The following NALF1 variants were observed in gnomAD, a reference collection of about 807,000 sequenced individuals.
The protein encoded by NALF1 is family with sequence similarity 155 member A.
In NALF1, 3 loss-of-function variants were observed where a neutral mutation model predicts 48.4. The observed-to-expected ratio is 0.06, with a 90% CI of 0.03 to 0.16. The LOEUF (loss-of-function observed/expected upper bound fraction) is 0.16, where lower values mean the gene tolerates loss of function less well. Among genes scored for constraint, NALF1 ranks in the 10% least tolerant of loss-of-function variants. The pLI is 1.00. For synonymous variants in NALF1, 262 were observed against 245.7 expected (o/e 1.07, Z -0.62); for missense variants, 526 against 571.5 (o/e 0.92, Z 0.81).
chr13:107,213,000 G>A (rs1021839773), intron 1 of NALF1, among the ~76,000 whole-genome samples: 2 of 151,908 alleles, frequency 1.3e-5, no homozygotes, highest in African/African-American at 4.8e-5. Context: ...CGTTATTCCA[G>A]TTAAAATGGG....
At chr13:107,654,689 CAAA>C (rs967848616) in intron 1 of NALF1, among the ~76,000 whole-genome samples, 31 of 142,048 alleles carry the variant, frequency 2.2e-4, no homozygotes, top group African/African-American at 7.5e-4. Context: ...AAGGACATAA[CAAA>C]AAAAAAAGAA....
At chr13:107,651,862 GGCAT>G (rs1880457850) in intron 1 of NALF1, among the ~76,000 whole-genome samples, 2 of 152,128 alleles carry the variant, frequency 1.3e-5, no homozygotes, top group East Asian at 3.9e-4. Flanking sequence ...GAAGTAAGGA[GGCAT>G]CTTACTCTCT....
chr13:107,362,789 T>C lies in NALF1; in HGVS notation c.916-152034A>G, dbSNP rs1190702273. ...TTTACAACTTTCCCATAGGTGAGCA[T>C]GTACCTGTCTGAGTGGGCACACATA... is the stretch of plus-strand genomic sequence containing the variant. On this transcript the variant is annotated intron_variant, in intron 1 of 2. Transcript: ENST00000375915. This position sits in a 1 kb window ranked among gnomAD's most constrained non-coding sequence, Gnocchi z 4.6. Among the ~76,000 whole-genome samples the C allele has an allele frequency of 6.6e-6, 1 of 152,164 alleles. No individual in the cohort carries two copies. Among genetic ancestry groups the C allele is most frequent in the Non-Finnish European group, 1.5e-5 (1 of 68,026 alleles).
chr13:107,564,288 T>C (rs1238515669), intron 1 of NALF1, among the ~76,000 whole-genome samples: 1 of 152,226 alleles, frequency 6.6e-6, no homozygotes, highest in African/African-American at 2.4e-5. Context: ...TTTGTATATG[T>C]GTGCATGAAA....
intron 1 of NALF1, among the ~76,000 whole-genome samples, chr13:107,223,251 T>A (rs117203039): frequency 6.6e-6 from 1 of 152,160 alleles, no homozygotes; most frequent in Non-Finnish European, 1.5e-5. Flanking sequence ...ATATTTATAG[T>A]TGTTAAATAT....
intron 1 of NALF1, among the ~76,000 whole-genome samples, chr13:107,610,217 A>G (rs1278283802): frequency 2.0e-5 from 3 of 151,946 alleles, no homozygotes; most frequent in African/African-American, 7.3e-5. Flanking sequence ...AATGTAACTG[A>G]AGATGTATGT....
intron 1 of NALF1, among the ~76,000 whole-genome samples, chr13:107,731,905 T>G (rs762658158): frequency 6.6e-6 from 1 of 152,216 alleles, no homozygotes; most frequent in South Asian, 2.1e-4. Context: ...CTTTCTCTGC[T>G]GCTTCCTTTG....
At chr13:107,676,409 C>CT (rs1304292571) in intron 1 of NALF1, among the ~76,000 whole-genome samples, 1 of 152,016 alleles carries the variant, frequency 6.6e-6, no homozygotes, top group African/African-American at 2.4e-5. Flanking sequence ...AGCATGCTTC[C>CT]TTTAGGCATA....
chr13:107,259,014 T>G (rs1479834444), intron 1 of NALF1, among the ~76,000 whole-genome samples: 1 of 152,120 alleles, frequency 6.6e-6, no homozygotes, highest in Non-Finnish European at 1.5e-5. Context: ...ATACCATGTA[T>G]ATGACTCATT....
intron 1 of NALF1, among the ~76,000 whole-genome samples, chr13:107,313,637 A>G (rs1248619729): frequency 6.6e-6 from 1 of 152,186 alleles, no homozygotes; most frequent in Admixed American, 6.6e-5. Context: ...AGACAAATGC[A>G]TATCTGATTG....
intron 1 of NALF1, among the ~76,000 whole-genome samples, chr13:107,572,144 T>G (rs950601863): frequency 1.3e-5 from 2 of 152,312 alleles, no homozygotes; most frequent in African/African-American, 4.8e-5. Flanking sequence ...ATAAATACAT[T>G]CATATTAATA....
chr13:107,366,532 G>A (rs890745828), intron 1 of NALF1, among the ~76,000 whole-genome samples: 3 of 152,162 alleles, frequency 2.0e-5, no homozygotes, highest in African/African-American at 7.2e-5. Flanking sequence ...AGCTTCTTAT[G>A]ATAGCCATCA....
At chr13:107,252,932 G>T (rs1366197369) in intron 1 of NALF1, among the ~76,000 whole-genome samples, 4 of 152,108 alleles carry the variant, frequency 2.6e-5, no homozygotes, top group Non-Finnish European at 5.9e-5. Flanking sequence ...TCACTTAGAA[G>T]AATATTATAA....
At chr13:107,554,890 C>T (rs1269554864) in intron 1 of NALF1, among the ~76,000 whole-genome samples, 10 of 152,042 alleles carry the variant, frequency 6.6e-5, no homozygotes, top group Middle Eastern at 6.8e-3. Flanking sequence ...CTCCAGAGTA[C>T]GGAAGGAGGA....
chr13:107,379,850 G>A (rs1377960283), intron 1 of NALF1, among the ~76,000 whole-genome samples: 3 of 152,192 alleles, frequency 2.0e-5, no homozygotes, highest in Non-Finnish European at 4.4e-5. Context: ...GGGAAATGAT[G>A]GAGTGGGCAG....
chr13:107,616,844 G>T (rs1033584155), intron 1 of NALF1, among the ~76,000 whole-genome samples: 1 of 152,130 alleles, frequency 6.6e-6, no homozygotes, highest in African/African-American at 2.4e-5. Flanking sequence ...GCATCCACCT[G>T]CTCCTGGATG....
At chr13:107,855,822 A>G (rs1566507786) in intron 1 of NALF1, among the ~76,000 whole-genome samples, 1 of 152,208 alleles carries the variant, frequency 6.6e-6, no homozygotes, top group Non-Finnish European at 1.5e-5. Flanking sequence ...CATGATGTTG[A>G]ATTTTTGTGG....
Position 107,300,395 on chromosome 13 carries a change from T to C in NALF1, c.916-89640A>G, listed in dbSNP as rs1566478825. Among the ~76,000 whole-genome samples, 5 of 152,302 alleles carry C rather than the reference T, an allele frequency of 3.3e-5. 1 individual carries two copies. Among genetic ancestry groups the C allele is most frequent in the African/African-American group, 2.4e-5 (1 of 41,572 alleles). On this transcript the variant is annotated intron_variant, in intron 1 of 2. Transcript: ENST00000375915. ...GCCTCAGGCCCAAGATTTAATCAGATGTGCTTGTTGTTTCATTAAACAAGG... is the reference window on the plus strand; with the variant it reads ...GCCTCAGGCCCAAGATTTAATCAGACGTGCTTGTTGTTTCATTAAACAAGG...
chr13:107,471,179 G>C (rs74910373), intron 1 of NALF1, among the ~76,000 whole-genome samples: 1 of 152,124 alleles, frequency 6.6e-6, no homozygotes, highest in East Asian at 1.9e-4. Context: ...TGCGCATAAC[G>C]CTATTTATTG....
Sources: allele counts gnomAD v4.1 joint callset (sites outside exome capture counted in the v4.1 genomes callset), GRCh38; gene constraint gnomAD v4.1.1; non-coding constraint Gnocchi (gnomAD v3.1); transcripts MANE v1.5; gene names NCBI Gene and HGNC (gene_info 2026-07-23, HGNC 2026-07-21).